TRPM3: variants seen among roughly 807,000 people sequenced by gnomAD.
The protein encoded by TRPM3 is transient receptor potential cation channel subfamily M member 3, also known as long transient receptor potential channel 3.
Under a neutral mutation model 181.2 loss-of-function variants are expected in TRPM3, and 77 were observed. The observed-to-expected ratio is 0.42, with a 90% CI of 0.35 to 0.51. The LOEUF (loss-of-function observed/expected upper bound fraction) is 0.51. Ranked by LOEUF, TRPM3 falls within the 20% of genes least tolerant of loss-of-function variation. The pLI is 0.01. For missense variants in TRPM3, 1,759 were observed against 2,196.7 expected (o/e 0.80, Z 3.98); for synonymous variants, 745 against 796.4 (o/e 0.94, Z 1.09).
At chr9:71,008,970 A>C (rs1289627308) in intron 1 of TRPM3, among the ~76,000 whole-genome samples, 1 of 152,262 alleles carries the variant, frequency 6.6e-6, no homozygotes, top group African/African-American at 2.4e-5. Context: ...TTAATTAAAA[A>C]ATGATTATTT....
intron 1 of TRPM3, among the ~76,000 whole-genome samples, chr9:71,239,673 T>C (rs774937910): frequency 1.3e-5 from 2 of 152,096 alleles, no homozygotes; most frequent in Non-Finnish European, 2.9e-5. Context: ...CAATAGAAAA[T>C]GCAATATACC....
intron 1 of TRPM3, among the ~76,000 whole-genome samples, chr9:71,361,164 GT>G (rs1430425423): frequency 1.3e-5 from 2 of 151,830 alleles, no homozygotes; most frequent in Admixed American, 1.3e-4. Context: ...TTTTTGTATT[GT>G]TAGTAGAAAC....
chr9:71,338,270 C>G (rs977809525), intron 1 of TRPM3, among the ~76,000 whole-genome samples: 1 of 152,116 alleles, frequency 6.6e-6, no homozygotes, highest in Non-Finnish European at 1.5e-5. Context: ...TCTACTCCAA[C>G]AAAACCTAAA....
intron 1 of TRPM3, among the ~76,000 whole-genome samples, chr9:70,910,236 T>C (rs1445105266): frequency 3.9e-5 from 6 of 152,196 alleles, no homozygotes; most frequent in African/African-American, 1.4e-4. Context: ...ACAACTGTTA[T>C]ATACAAAAAC....
At chr9:71,060,443 A>C (rs1474584809) in intron 1 of TRPM3, among the ~76,000 whole-genome samples, 2 of 152,108 alleles carry the variant, frequency 1.3e-5, no homozygotes, top group Admixed American at 1.3e-4. Context: ...GCTAAGGAAA[A>C]ATATGATTCT....
intron 1 of TRPM3, among the ~76,000 whole-genome samples, chr9:70,915,840 A>G (rs2096588785): frequency 6.6e-6 from 1 of 152,174 alleles, no homozygotes; most frequent in Non-Finnish European, 1.5e-5. Context: ...AATAACATAG[A>G]ACTTCCCAAA....
At chr9:70,605,665 T>C (rs2060933879) in intron 19 of TRPM3, among the ~76,000 whole-genome samples, 1 of 152,196 alleles carries the variant, frequency 6.6e-6, no homozygotes, top group African/African-American at 2.4e-5. Context: ...GTCCTGTGAG[T>C]ACAGACTGCA....
intron 1 of TRPM3, among the ~76,000 whole-genome samples, chr9:71,129,070 A>G (rs1224357776): frequency 6.6e-6 from 1 of 152,202 alleles, no homozygotes; most frequent in African/African-American, 2.4e-5. Flanking sequence ...TTGGTAGAGA[A>G]TTTTAATAAA....
chr9:71,045,015 A>G (rs957096776), intron 1 of TRPM3, among the ~76,000 whole-genome samples: 2 of 152,016 alleles, frequency 1.3e-5, no homozygotes, highest in Non-Finnish European at 2.9e-5. Flanking sequence ...ATTTTGGTCA[A>G]TCCAGGAGAC....
At chr9:71,144,788 A>G (rs2075315122) in intron 1 of TRPM3, among the ~76,000 whole-genome samples, 1 of 152,244 alleles carries the variant, frequency 6.6e-6, no homozygotes. Context: ...TATTAACAAC[A>G]AAGAAATTAA....
intron 1 of TRPM3, among the ~76,000 whole-genome samples, chr9:70,898,760 A>G (rs894830549): frequency 1.3e-5 from 2 of 150,994 alleles, no homozygotes; most frequent in Non-Finnish European, 1.5e-5. Flanking sequence ...AAAAAAAAAA[A>G]AAAAAAGAAA....
Position 70,862,967 on chromosome 9 carries a change from G to A in TRPM3, c.403C>T (p.Pro135Ser), listed in dbSNP as rs1354697094. ...TCAATGGTCCCAAAAGCATCCGTAG[G>A]GCTGAGTTGAGTGTGTTTGCTGATG... ...WSISKHTQLS[P>S]TDAFGTIEFQ... The change falls in exon 3 of 26, where the codon CCT becomes TCT. Residue 135 changes from proline (P) to serine (S), a missense_variant. Pro to Ser is a moderately conservative substitution (Grantham distance 74, BLOSUM62 -1). Around this residue, in one of 8 missense-constraint regions of TRPM3, gnomAD observed 737 missense variants for 957.4 expected, o/e 0.77. Transcript: ENST00000677713. 4 of 1,613,652 alleles carry A rather than the reference G, an allele frequency of 2.5e-6. No homozygotes were observed. Among genetic ancestry groups the A allele is most frequent in the Non-Finnish European group, 3.4e-6 (4 of 1,179,726 alleles).
In TRPM3 at chr9:71,247,302, C is replaced by A. The variant is rs139388299; in HGVS notation, c.183+199351G>T. Among the ~76,000 whole-genome samples, 4 of 136,514 alleles carry A rather than the reference C, an allele frequency of 2.9e-5. No individual in the cohort carries two copies. The South Asian group carries it at 8.9e-4, about 30-fold the overall frequency. The allele number at this position is 136,514 out of a possible 152,430, so 89.6% of individuals were successfully genotyped here. ...CTGGGAGGTGGGGGTTGCAGTAAGC[C>A]GAGATCATGCCTCTGCACTCCAGCC... On this transcript the variant is annotated intron_variant, in intron 1 of 24. Transcript: ENST00000357533.
At chr9:71,175,717 A>T (rs995212051) in intron 1 of TRPM3, among the ~76,000 whole-genome samples, 1 of 152,210 alleles carries the variant, frequency 6.6e-6, no homozygotes, top group Non-Finnish European at 1.5e-5. Context: ...TGGAGATCAA[A>T]ATCATTAAAT....
intron 7 of TRPM3, among the ~76,000 whole-genome samples, chr9:70,770,544 G>A (rs1213964676): frequency 6.6e-6 from 1 of 152,176 alleles, no homozygotes; most frequent in Non-Finnish European, 1.5e-5. Flanking sequence ...GGTGAGGCCA[G>A]TTTCACAATC....
chr9:70,622,850 T>C, intron 14 of TRPM3, among the ~76,000 whole-genome samples: 1 of 152,200 alleles, frequency 6.6e-6, no homozygotes, highest in East Asian at 1.9e-4. Flanking sequence ...TCTCTCTCTC[T>C]CTCATTTTTC....
At chr9:70,820,438 A>G (rs951119463) in intron 6 of TRPM3, among the ~76,000 whole-genome samples, 1 of 152,124 alleles carries the variant, frequency 6.6e-6, no homozygotes, top group Non-Finnish European at 1.5e-5. Flanking sequence ...CCCAGGCTGG[A>G]GTGCAATGGT....
intron 7 of TRPM3, among the ~76,000 whole-genome samples, chr9:70,782,814 G>A (rs149488837): frequency 4.0e-5 from 6 of 151,686 alleles, no homozygotes; most frequent in African/African-American, 9.7e-5. Context: ...CAGAGCTTTC[G>A]GGTTTGCAGT....
chr9:71,327,134 T>A (rs1329917489), intron 1 of TRPM3, among the ~76,000 whole-genome samples: 1 of 152,260 alleles, frequency 6.6e-6, no homozygotes, highest in African/African-American at 2.4e-5. Flanking sequence ...TGCTCCTCCA[T>A]CTTCCTTGGA....
Sources: gnomAD v4.1 joint callset for allele counts (sites outside exome capture counted in the v4.1 genomes callset) on GRCh38, gnomAD v4.1.1 for gene constraint, gnomAD v4.1.1 regional missense constraint, MANE v1.5 for transcripts, NCBI Gene and HGNC (gene_info 2026-07-23, HGNC 2026-07-21) for gene names.